The following DENND5B variants were observed in gnomAD, a reference collection of about 807,000 sequenced individuals.
DENND5B encodes the protein DENN domain containing 5B.
DENND5B carries 34 observed loss-of-function variants against 140.6 expected under a neutral mutation model. The ratio of observed to expected loss-of-function variants is 0.24; its 90% CI spans 0.18 to 0.32. The LOEUF (loss-of-function observed/expected upper bound fraction) is 0.32. Ranked by LOEUF, DENND5B falls within the 10% of genes least tolerant of loss-of-function variation. The probability of loss-of-function intolerance (pLI) is 1.00; values close to 1 mark genes in which losing one functional copy is unlikely to be tolerated. For synonymous variants in DENND5B, 551 were observed against 562.1 expected (o/e 0.98, Z 0.28); for missense variants, 1,142 against 1,560.2 (o/e 0.73, Z 4.52).
At chr12:31,396,959 A>T (rs1035309789) in intron 17 of DENND5B, among the ~76,000 whole-genome samples, 1 of 152,144 alleles carries the variant, frequency 6.6e-6, no homozygotes, top group African/African-American at 2.4e-5. Context: ...CTATTTCAAG[A>T]TCCCTATCAC....
intron 1 of DENND5B, among the ~76,000 whole-genome samples, chr12:31,532,475 A>AG (rs1948321270): frequency 6.6e-6 from 1 of 152,102 alleles, no homozygotes; most frequent in African/African-American, 2.4e-5. Flanking sequence ...CCAGGCAGGG[A>AG]GGGGGAAAAA....
intron 13 of DENND5B, among the ~76,000 whole-genome samples, chr12:31,412,150 G>A (rs1219186054): frequency 6.6e-6 from 1 of 152,096 alleles, no homozygotes; most frequent in African/African-American, 2.4e-5. Flanking sequence ...GTTGTGCCAT[G>A]TTGGCCAGGC....
intron 1 of DENND5B, among the ~76,000 whole-genome samples, chr12:31,540,638 A>C (rs1948653501): frequency 6.6e-6 from 1 of 151,998 alleles, no homozygotes; most frequent in African/African-American, 2.4e-5. Flanking sequence ...TGGGCGACAC[A>C]GTCAGACTCT....
chr12:31,534,113 G>T (rs1205499386), intron 1 of DENND5B, among the ~76,000 whole-genome samples: 4 of 151,724 alleles, frequency 2.6e-5, no homozygotes, highest in African/African-American at 9.7e-5. Flanking sequence ...ATTTCTCTTG[G>T]ATCAGCACCA....
At chr12:31,561,485 T>C (rs1565697740) in intron 1 of DENND5B, among the ~76,000 whole-genome samples, 1 of 152,042 alleles carries the variant, frequency 6.6e-6, no homozygotes, top group Non-Finnish European at 1.5e-5. Flanking sequence ...ACAACAACAA[T>C]TTATGCTCCA....
chr12:31,466,923 T>A (rs1412784809), intron 3 of DENND5B, among the ~76,000 whole-genome samples: 1 of 152,022 alleles, frequency 6.6e-6, no homozygotes, highest in East Asian at 1.9e-4. Flanking sequence ...AAATCTTAAA[T>A]ATAACCAGAG....
chr12:31,505,742 T>C (rs1281967480), intron 1 of DENND5B, among the ~76,000 whole-genome samples: 2 of 151,740 alleles, frequency 1.3e-5, no homozygotes, highest in Non-Finnish European at 1.5e-5. Context: ...CTTGGAGGGG[T>C]CTCTGCAAAT....
chr12:31,520,422 G>A (rs1003358175), intron 1 of DENND5B, among the ~76,000 whole-genome samples: 3 of 152,168 alleles, frequency 2.0e-5, no homozygotes, highest in Non-Finnish European at 4.4e-5. Context: ...TAGTATAGAA[G>A]TTAGGCACAC....
chr12:31,405,392 A>T (rs555573480), intron 14 of DENND5B, among the ~76,000 whole-genome samples: 94 of 150,220 alleles, frequency 6.3e-4, no homozygotes, highest in Middle Eastern at 3.6e-3. Flanking sequence ...ATTTTTTTGT[A>T]GTTTTAGTAG....
intron 1 of DENND5B, among the ~76,000 whole-genome samples, chr12:31,522,409 G>A (rs934339574): frequency 6.6e-6 from 1 of 152,170 alleles, no homozygotes; most frequent in South Asian, 2.1e-4. Flanking sequence ...AAATATCAAA[G>A]AGGTTCTAAC....
chr12:31,472,528 G>A (rs1453421850), intron 3 of DENND5B, among the ~76,000 whole-genome samples: 2 of 152,088 alleles, frequency 1.3e-5, no homozygotes, highest in Non-Finnish European at 2.9e-5. Context: ...CTGAACTCAG[G>A]TGATCTGCCC....
At chr12:31,468,915 G>A (rs1162283725) in intron 3 of DENND5B, among the ~76,000 whole-genome samples, 2 of 152,014 alleles carry the variant, frequency 1.3e-5, no homozygotes. Context: ...ATGAAAAGGA[G>A]GACAAAACTA....
intron 1 of DENND5B, among the ~76,000 whole-genome samples, chr12:31,558,168 T>C (rs937777339): frequency 2.0e-5 from 3 of 152,334 alleles, no homozygotes; most frequent in South Asian, 2.1e-4. Flanking sequence ...TAAAATAATG[T>C]AGACGTGTAT....
chr12:31,516,459 A>C (rs1383538947), intron 1 of DENND5B, among the ~76,000 whole-genome samples: 3 of 150,326 alleles, frequency 2.0e-5, no homozygotes, highest in African/African-American at 7.4e-5. Flanking sequence ...CCTGGACAAT[A>C]AGAGTGAGAC....
At chr12:31,440,738 C>T (rs2137956270) in intron 7 of DENND5B, among the ~76,000 whole-genome samples, 1 of 152,230 alleles carries the variant, frequency 6.6e-6, no homozygotes, top group South Asian at 2.1e-4. Context: ...CATCATGGCT[C>T]ACTGCAGCCT....
intron 1 of DENND5B, among the ~76,000 whole-genome samples, chr12:31,585,422 C>T (rs148290623): frequency 2.5e-4 from 38 of 152,278 alleles, no homozygotes; most frequent in African/African-American, 8.9e-4. Flanking sequence ...CCTATACACC[C>T]GGCCACTGTT....
chr12:31,487,812 C>T (rs1946368291), intron 2 of DENND5B, among the ~76,000 whole-genome samples: 3 of 152,178 alleles, frequency 2.0e-5, no homozygotes, highest in Admixed American at 6.5e-5. Context: ...ATTATTCTTG[C>T]TCCAGGCTAA....
chr12:31,576,155 A>AG (rs1394180565), intron 1 of DENND5B, among the ~76,000 whole-genome samples: 2,031 of 114,146 alleles, frequency 0.018, 38 homozygotes, highest in Non-Finnish European at 0.027. Context: ...AAAAAAAAAA[A>AG]AAAGAAGAAT....
chr12:31,537,395 C>T (rs1285160388), intron 1 of DENND5B, among the ~76,000 whole-genome samples: 4 of 152,140 alleles, frequency 2.6e-5, no homozygotes, highest in African/African-American at 9.6e-5. Context: ...GTTAGGCTAT[C>T]AGTGTAAAAT....
Sources: gnomAD v4.1 joint callset for allele counts (sites outside exome capture counted in the v4.1 genomes callset) on GRCh38, gnomAD v4.1.1 for gene constraint, MANE v1.5 for transcripts, NCBI Gene and HGNC (gene_info 2026-07-23, HGNC 2026-07-21) for gene names.